KCND2: variants seen among roughly 807,000 people sequenced by gnomAD.
KCND2 encodes the protein potassium voltage-gated channel subfamily D member 2, also known as A-type voltage-gated potassium channel KCND2.
In KCND2, 16 loss-of-function variants were observed where a neutral mutation model predicts 54.4. The observed-to-expected ratio is 0.29, with a 90% CI of 0.20 to 0.45. The LOEUF is 0.45. Ranked by LOEUF, KCND2 falls within the 20% of genes least tolerant of loss-of-function variation. The pLI, the probability that KCND2 is intolerant of heterozygous loss-of-function variation, is 1.00. For missense variants in KCND2, 486 were observed against 824.2 expected, an observed-to-expected ratio of 0.59 and a Z score of 5.02; for synonymous variants, 317 against 310.7, an observed-to-expected ratio of 1.02 and a Z score of -0.21.
chr7:120,561,598 ATTTTTTTTTTT>A (rs57015988), intron 1 of KCND2, among the ~76,000 whole-genome samples: 2 of 47,280 alleles, frequency 4.2e-5, no homozygotes, highest in Non-Finnish European at 3.9e-5. Context: ...AAGCTACCTG[ATTTTTTTTTTT>A]TTTTTTTTTT....
At chr7:120,453,500 G>A (rs1802147866) in intron 1 of KCND2, among the ~76,000 whole-genome samples, 3 of 152,086 alleles carry the variant, frequency 2.0e-5, no homozygotes, top group South Asian at 2.1e-4. Flanking sequence ...CCACCATTGC[G>A]AATGTGCATA....
intron 1 of KCND2, among the ~76,000 whole-genome samples, chr7:120,633,082 C>A (rs563060433): frequency 6.6e-6 from 1 of 152,196 alleles, no homozygotes; most frequent in Non-Finnish European, 1.5e-5. Context: ...CCTGAATTAT[C>A]GCCATTTCAA....
intron 1 of KCND2, among the ~76,000 whole-genome samples, chr7:120,281,333 T>C (rs549142074): frequency 3.6e-4 from 55 of 152,090 alleles, no homozygotes; most frequent in African/African-American, 1.2e-3. Flanking sequence ...CGTATGCATG[T>C]ATGTATGTAT....
chr7:120,618,597 T>G (rs1182537836), intron 1 of KCND2, among the ~76,000 whole-genome samples: 1 of 152,184 alleles, frequency 6.6e-6, no homozygotes, highest in Non-Finnish European at 1.5e-5. Context: ...TACATACAAT[T>G]ATTTTAGAAA....
In KCND2 at chr7:120,746,103, C is replaced by T; in HGVS notation, c.1715+76C>T. On this transcript the variant is annotated intron_variant, in intron 5 of 5. Transcript: ENST00000331113. Reference sequence around the variant, plus strand: ...TGTGTCTTCTGCACTCATGTTGTCACTTACATGGCATCTAAATCCCTAGCT... The same window carrying T: ...TGTGTCTTCTGCACTCATGTTGTCATTTACATGGCATCTAAATCCCTAGCT... The T allele has an allele frequency of 5.3e-6, 8 of 1,514,748 alleles. No individual in the cohort carries two copies. The South Asian group carries it at 9.1e-5, about 17-fold the overall frequency. 93.8% of individuals were successfully genotyped at this position (1,514,748 alleles called of 1,614,324 possible). A position where few individuals can be genotyped will look rare whatever the true frequency, so the allele number is the denominator to read the frequency against.
chr7:120,625,008 G>A (rs1350144025), intron 1 of KCND2, among the ~76,000 whole-genome samples: 1 of 152,132 alleles, frequency 6.6e-6, no homozygotes, highest in Non-Finnish European at 1.5e-5. Flanking sequence ...ACTCACTAAT[G>A]TATATCTCAA....
rs1476170466 is a variant in KCND2 at position 120,523,708 on chromosome 7, G to C, written c.1116-209195G>C. Among the ~76,000 whole-genome samples the C allele has an allele frequency of 3.6e-5, 3 of 82,980 alleles. No individual in the cohort carries two copies. In the South Asian group the frequency reaches 9.0e-4, roughly 25 times the overall value. 54.4% of individuals were successfully genotyped at this position (82,980 alleles called of 152,430 possible). A position where few individuals can be genotyped will look rare whatever the true frequency, so the allele number is the denominator to read the frequency against. ...AGATATACACACACACACACTCTGTGTGTGTGTGTGTGTGTGTGTGTGTGT... is the reference window on the plus strand; with the variant it reads ...AGATATACACACACACACACTCTGTCTGTGTGTGTGTGTGTGTGTGTGTGT... On this transcript the variant is annotated intron_variant, in intron 1 of 5. Coordinates refer to ENST00000331113, the MANE Select transcript of KCND2 (RefSeq NM_012281.3).
At chr7:120,651,396 G>A (rs963072983) in intron 1 of KCND2, among the ~76,000 whole-genome samples, 2 of 152,158 alleles carry the variant, frequency 1.3e-5, no homozygotes, top group African/African-American at 2.4e-5. Flanking sequence ...AGGCTCCATG[G>A]GCGTGGGACT....
chr7:120,540,330 C>A (rs1315662406), intron 1 of KCND2, among the ~76,000 whole-genome samples: 1 of 152,110 alleles, frequency 6.6e-6, no homozygotes. Context: ...CCACGATTTT[C>A]CCTGTTTTGA....
At position 120,692,894 on chromosome 7, in the gene KCND2, G is replaced by T. The variant is rs73721453; in HGVS notation, c.1116-40009G>T. Among the ~76,000 whole-genome samples, 1,058 of 152,270 alleles carry T rather than the reference G, an allele frequency of 6.9e-3. 14 individuals are homozygous for T. Among genetic ancestry groups the T allele is most frequent in the African/African-American group, 0.024 (999 of 41,560 alleles). ...ATTGGTTGTAATGTGATTGAACTTA[G>T]AGTTTCTGAACAACCCACTGTTTTG... On this transcript the variant is annotated intron_variant, in intron 1 of 5. Coordinates refer to ENST00000331113, the MANE Select transcript of KCND2 (RefSeq NM_012281.3).
chr7:120,579,204 CT>C (rs199876933), intron 1 of KCND2, among the ~76,000 whole-genome samples: 9 of 150,876 alleles, frequency 6.0e-5, no homozygotes, highest in East Asian at 1.9e-4. Flanking sequence ...TTTACCTCTC[CT>C]TTTTTTTTCC....
At chr7:120,743,118 G>A (rs1469790693) in intron 4 of KCND2, among the ~76,000 whole-genome samples, 2 of 152,144 alleles carry the variant, frequency 1.3e-5, no homozygotes, top group African/African-American at 2.4e-5. Flanking sequence ...GTAATCACTG[G>A]TATGCCCTTG....
intron 1 of KCND2, among the ~76,000 whole-genome samples, chr7:120,663,275 A>G (rs1791887738): frequency 6.6e-6 from 1 of 152,232 alleles, no homozygotes; most frequent in Admixed American, 6.5e-5. Flanking sequence ...AGATGAGATT[A>G]GTTTATGATC....
At chr7:120,461,918 T>C (rs1047330204) in intron 1 of KCND2, among the ~76,000 whole-genome samples, 2 of 152,164 alleles carry the variant, frequency 1.3e-5, no homozygotes, top group Non-Finnish European at 2.9e-5. Context: ...GTTGGATTCT[T>C]ACATTCATTC....
chr7:120,609,889 A>AT (rs1339640363), intron 1 of KCND2, among the ~76,000 whole-genome samples: 1 of 152,174 alleles, frequency 6.6e-6, no homozygotes, highest in African/African-American at 2.4e-5. Context: ...CCCTTTAACC[A>AT]TAAGTGAAGA....
At chr7:120,478,581 A>T (rs890142091) in intron 1 of KCND2, among the ~76,000 whole-genome samples, 1 of 152,170 alleles carries the variant, frequency 6.6e-6, no homozygotes, top group Non-Finnish European at 1.5e-5. Context: ...CCAGTGTAGT[A>T]TGAAAAATGA....
intron 1 of KCND2, among the ~76,000 whole-genome samples, chr7:120,668,912 C>T (rs1483215258): frequency 6.6e-6 from 1 of 151,930 alleles, no homozygotes; most frequent in Non-Finnish European, 1.5e-5. Context: ...GGACCAGTTA[C>T]AAAATTTGAT....
intron 1 of KCND2, among the ~76,000 whole-genome samples, chr7:120,357,166 A>G (rs1460085742): frequency 6.6e-6 from 1 of 152,116 alleles, no homozygotes; most frequent in Non-Finnish European, 1.5e-5. Context: ...ACTAACATTT[A>G]TTAAGCAAGT....
At position 120,628,668 on chromosome 7, in the gene KCND2, G is replaced by A. The variant is rs979328593; in HGVS notation, c.1116-104235G>A. Among the ~76,000 whole-genome samples the A allele has an allele frequency of 2.0e-5, 3 of 152,078 alleles. No homozygotes were observed. The East Asian group carries it at 5.8e-4, about 29-fold the overall frequency. ...AAATCAGAGCTAACTATGTCCCTAG[G>A]GTAGAAAGTTCTTTCCCTTATGTGC... On this transcript the variant is annotated intron_variant, in intron 1 of 5. Transcript: ENST00000331113.
Sources: gnomAD v4.1 joint callset for allele counts (sites outside exome capture counted in the v4.1 genomes callset) on GRCh38, gnomAD v4.1.1 for gene constraint, MANE v1.5 for transcripts, NCBI Gene and HGNC (gene_info 2026-07-23, HGNC 2026-07-21) for gene names.